RAB38: variants seen among roughly 807,000 people sequenced by gnomAD.
RAB38 encodes the protein ras-related protein Rab-38.
RAB38 carries 15 observed loss-of-function variants against 18.4 expected under a neutral mutation model. The ratio of observed to expected loss-of-function variants is 0.82; its 90% confidence interval spans 0.55 to 1.26. RAB38 has a LOEUF of 1.26. RAB38 is among the 50% of genes most tolerant of loss of function. The pLI, the probability that RAB38 is intolerant of heterozygous loss-of-function variation, is 0.00. For missense variants in RAB38, 294 were observed against 267.4 expected (o/e 1.10, Z -0.69); for synonymous variants, 101 against 104.4 (o/e 0.97, Z 0.20).
At chr11:88,103,619 A>C in the RAB38 span, among the ~76,000 whole-genome samples, 8 of 152,224 alleles carry the variant, frequency 5.3e-5, no homozygotes, top group African/African-American at 1.9e-4. Flanking sequence ...TTATTATACT[A>C]AGCCATTGAA....
the RAB38 span, among the ~76,000 whole-genome samples, chr11:88,025,772 G>C: frequency 3.3e-5 from 5 of 152,080 alleles, no homozygotes; most frequent in African/African-American, 1.2e-4. Flanking sequence ...CTGGATATTA[G>C]ACATTTGTCA....
the RAB38 span, among the ~76,000 whole-genome samples, chr11:88,094,922 CTCT>C: frequency 6.6e-6 from 1 of 151,848 alleles, no homozygotes; most frequent in African/African-American, 2.4e-5. Flanking sequence ...TCCTCTCACT[CTCT>C]TCTTATTCCA....
the RAB38 span, among the ~76,000 whole-genome samples, chr11:88,090,662 C>A: frequency 6.6e-6 from 1 of 151,798 alleles, no homozygotes; most frequent in South Asian, 2.1e-4. Flanking sequence ...CTAAGATTAC[C>A]CTAGGGTGGG....
chr11:87,914,165 G>T, the RAB38 span, among the ~76,000 whole-genome samples: 5 of 152,108 alleles, frequency 3.3e-5, no homozygotes, highest in African/African-American at 1.2e-4. Flanking sequence ...AAGGGTGATT[G>T]TGATGAGGAC....
chr11:87,863,964 C>G, the RAB38 span, among the ~76,000 whole-genome samples: 2 of 151,714 alleles, frequency 1.3e-5, no homozygotes, highest in Non-Finnish European at 2.9e-5. Flanking sequence ...TTACCACCCC[C>G]TCTACTACCA....
At chr11:87,926,068 C>G in the RAB38 span, among the ~76,000 whole-genome samples, 1 of 151,836 alleles carries the variant, frequency 6.6e-6, no homozygotes, top group Non-Finnish European at 1.5e-5. Flanking sequence ...CGAGAGACAG[C>G]CACTCTGTTA....
the RAB38 span, among the ~76,000 whole-genome samples, chr11:87,825,991 TATAAC>T: frequency 1.3e-5 from 2 of 152,216 alleles, no homozygotes; most frequent in Admixed American, 1.3e-4. Context: ...AATTGTATAA[TATAAC>T]TGTTTTGGGA....
At chr11:87,901,915 T>A in the RAB38 span, among the ~76,000 whole-genome samples, 8 of 100,186 alleles carry the variant, frequency 8.0e-5, no homozygotes, top group Admixed American at 8.6e-4. Flanking sequence ...TATTACTGTG[T>A]TTGGCTGACT....
chr11:87,951,886 CAAGCTG>C, the RAB38 span, among the ~76,000 whole-genome samples: 2 of 152,302 alleles, frequency 1.3e-5, no homozygotes, highest in Non-Finnish European at 2.9e-5. Context: ...TCTCAGATCT[CAAGCTG>C]CATGCTGGGA....
chr11:87,870,765 G>A, the RAB38 span, among the ~76,000 whole-genome samples: 1 of 151,618 alleles, frequency 6.6e-6, no homozygotes, highest in African/African-American at 2.4e-5. Flanking sequence ...GATTGGAAGA[G>A]GAAAGAGGGG....
chr11:88,033,823 G>T, the RAB38 span, among the ~76,000 whole-genome samples: 1 of 148,986 alleles, frequency 6.7e-6, no homozygotes, highest in South Asian at 2.1e-4. Context: ...CGCCTCCCGG[G>T]TTCATGCCAT....
the RAB38 span, among the ~76,000 whole-genome samples, chr11:88,087,011 T>A: frequency 6.6e-6 from 1 of 151,578 alleles, no homozygotes; most frequent in African/African-American, 2.4e-5. Flanking sequence ...TAAGGAGGAG[T>A]CTTGTAATGC....
intron 2 of RAB38, among the ~76,000 whole-genome samples, chr11:88,134,995 C>T (rs926258865): frequency 1.3e-5 from 2 of 152,210 alleles, no homozygotes; most frequent in Non-Finnish European, 1.5e-5. Flanking sequence ...GCTGTCAATT[C>T]CTGCCAGAGT....
At chr11:88,036,396 A>G in the RAB38 span, among the ~76,000 whole-genome samples, 1 of 152,198 alleles carries the variant, frequency 6.6e-6, no homozygotes, top group Non-Finnish European at 1.5e-5. Context: ...AATTGCATGT[A>G]TTTAATCATT....
the RAB38 span, among the ~76,000 whole-genome samples, chr11:88,009,667 C>G: frequency 0.17 from 25,307 of 152,078 alleles, 2,451 homozygotes; most frequent in South Asian, 0.33. Flanking sequence ...ATCAAAATAC[C>G]AAAGGAGTAA....
chr11:87,953,042 GATC>G, the RAB38 span, among the ~76,000 whole-genome samples: 4 of 151,410 alleles, frequency 2.6e-5, no homozygotes, highest in Non-Finnish European at 5.9e-5. Context: ...CTATAAAGTT[GATC>G]ATTATGTAAA....
At chr11:87,855,327 T>A in the RAB38 span, among the ~76,000 whole-genome samples, 2 of 152,152 alleles carry the variant, frequency 1.3e-5, no homozygotes, top group Non-Finnish European at 2.9e-5. Context: ...GGAAAAAACA[T>A]AGTTTCCATG....
At chr11:88,033,358 C>T in the RAB38 span, among the ~76,000 whole-genome samples, 1 of 149,280 alleles carries the variant, frequency 6.7e-6, no homozygotes, top group African/African-American at 2.5e-5. Context: ...GTACATGTAC[C>T]CTAAAACTTA....
the RAB38 span, among the ~76,000 whole-genome samples, chr11:88,012,669 C>A: frequency 1.3e-5 from 2 of 152,014 alleles, no homozygotes; most frequent in Non-Finnish European, 2.9e-5. Context: ...TACAACCAAC[C>A]AGGTAGGACA....
Sources: allele counts gnomAD v4.1 joint callset (sites outside exome capture counted in the v4.1 genomes callset), GRCh38; gene constraint gnomAD v4.1.1; transcripts MANE v1.5; gene names NCBI Gene and HGNC (gene_info 2026-07-23, HGNC 2026-07-21).